The following HS6ST3 variants were observed in gnomAD, a reference collection of about 807,000 sequenced individuals.
The protein encoded by HS6ST3 is heparan sulfate 6-O-sulfotransferase 3, also known as heparan-sulfate 6-O-sulfotransferase 3.
Under a neutral mutation model 36.7 loss-of-function variants are expected in HS6ST3, and 12 were observed. That is an observed-to-expected ratio of 0.33 (90% CI 0.21 to 0.53). The LOEUF (loss-of-function observed/expected upper bound fraction) is 0.53. Among genes scored for constraint, HS6ST3 ranks in the 20% least tolerant of loss-of-function variants. The pLI is 0.95. For synonymous variants in HS6ST3, 240 were observed against 257.5 expected (o/e 0.93, Z 0.65); for missense variants, 584 against 640.9 (o/e 0.91, Z 0.96).
At chr13:96,586,856 A>T (rs2056363328) in intron 1 of HS6ST3, among the ~76,000 whole-genome samples, 1 of 152,132 alleles carries the variant, frequency 6.6e-6, no homozygotes, top group African/African-American at 2.4e-5. Flanking sequence ...TTTTGGGGTC[A>T]TATTTAAAAA....
intron 1 of HS6ST3, among the ~76,000 whole-genome samples, chr13:96,104,978 G>T (rs1000625918): frequency 2.0e-5 from 3 of 149,032 alleles, no homozygotes; most frequent in Non-Finnish European, 4.4e-5. Flanking sequence ...CAGTTATCAA[G>T]ATTGGAAAGG....
chr13:96,759,616 AT>A (rs1205611425), intron 1 of HS6ST3, among the ~76,000 whole-genome samples: 1 of 151,906 alleles, frequency 6.6e-6, no homozygotes, highest in Non-Finnish European at 1.5e-5. Context: ...AAATCTACAT[AT>A]GTTGTTAACC....
intron 1 of HS6ST3, among the ~76,000 whole-genome samples, chr13:96,752,180 T>C (rs1594851945): frequency 6.6e-6 from 1 of 152,324 alleles, no homozygotes; most frequent in East Asian, 1.9e-4. Flanking sequence ...ATTTCAGATA[T>C]GCTGGTATCA....
chr13:96,117,625 C>T (rs956761261), intron 1 of HS6ST3, among the ~76,000 whole-genome samples: 3 of 152,130 alleles, frequency 2.0e-5, no homozygotes, highest in Non-Finnish European at 4.4e-5. Flanking sequence ...CATGGAAATG[C>T]TGCAGAAATG....
intron 1 of HS6ST3, among the ~76,000 whole-genome samples, chr13:96,591,690 C>G (rs1376832915): frequency 6.6e-6 from 1 of 152,036 alleles, no homozygotes; most frequent in East Asian, 1.9e-4. Flanking sequence ...CCCTTTATAT[C>G]TTTCTCTTGT....
chr13:96,150,252 G>A (rs1358288979), intron 1 of HS6ST3, among the ~76,000 whole-genome samples: 2 of 152,144 alleles, frequency 1.3e-5, no homozygotes, highest in South Asian at 2.1e-4. Flanking sequence ...TTAGAATGGG[G>A]GAGTGTGTGC....
chr13:96,639,549 T>G (rs1449350960), intron 1 of HS6ST3, among the ~76,000 whole-genome samples: 10 of 152,020 alleles, frequency 6.6e-5, no homozygotes, highest in Non-Finnish European at 1.5e-5. Flanking sequence ...AAAAAAAATT[T>G]TTCAACTTTT....
At chr13:96,372,839 C>T (rs1437785305) in intron 1 of HS6ST3, among the ~76,000 whole-genome samples, 2 of 152,108 alleles carry the variant, frequency 1.3e-5, no homozygotes, top group Non-Finnish European at 2.9e-5. Flanking sequence ...TTTAAAATTT[C>T]ATTTATTGTG....
At chr13:96,107,542 CAT>C (rs1386670400) in intron 1 of HS6ST3, among the ~76,000 whole-genome samples, 2 of 152,128 alleles carry the variant, frequency 1.3e-5, no homozygotes, top group African/African-American at 2.4e-5. Flanking sequence ...AATGATATGA[CAT>C]GTGCTCCAGA....
At chr13:96,205,348 C>CA (rs1201361443) in intron 1 of HS6ST3, among the ~76,000 whole-genome samples, 2 of 151,806 alleles carry the variant, frequency 1.3e-5, no homozygotes, top group Non-Finnish European at 2.9e-5. Context: ...GCCTACCAAC[C>CA]AAAAAAAGCC....
chr13:96,396,940 C>T (rs1214199115), intron 1 of HS6ST3, among the ~76,000 whole-genome samples: 2 of 152,136 alleles, frequency 1.3e-5, no homozygotes, highest in South Asian at 2.1e-4. Context: ...TGGTGGCACA[C>T]GCCTGTAATC....
At chr13:96,190,507 TATTCATTCATTC>T (rs374761040) in intron 1 of HS6ST3, among the ~76,000 whole-genome samples, 40 of 152,170 alleles carry the variant, frequency 2.6e-4, no homozygotes, top group Non-Finnish European at 3.8e-4. Context: ...TGCAATCAGT[TATTCATTCATTC>T]ATTCATTCAT....
chr13:96,244,013 C>T (rs1221628779), intron 1 of HS6ST3, among the ~76,000 whole-genome samples: 2 of 151,604 alleles, frequency 1.3e-5, no homozygotes, highest in Admixed American at 6.6e-5. Flanking sequence ...AAAAAAGGCC[C>T]CCCCGAGAAT....
chr13:96,150,617 A>G (rs1489499275), intron 1 of HS6ST3, among the ~76,000 whole-genome samples: 1 of 152,224 alleles, frequency 6.6e-6, no homozygotes, highest in African/African-American at 2.4e-5. Flanking sequence ...ACCTATTTTT[A>G]AAATGATTCT....
intron 1 of HS6ST3, among the ~76,000 whole-genome samples, chr13:96,236,970 G>T (rs1390131619): frequency 6.6e-6 from 1 of 152,204 alleles, no homozygotes; most frequent in Non-Finnish European, 1.5e-5. Flanking sequence ...GGAGGCCTCA[G>T]GAAACTTACA....
intron 1 of HS6ST3, among the ~76,000 whole-genome samples, chr13:96,755,760 T>C (rs1017179992): frequency 1.3e-5 from 2 of 152,220 alleles, no homozygotes; most frequent in African/African-American, 4.8e-5. Flanking sequence ...TTTTGGGTTT[T>C]TACCATTTCT....
chr13:96,732,894 A>G (rs1229467693), intron 1 of HS6ST3, among the ~76,000 whole-genome samples: 1 of 152,136 alleles, frequency 6.6e-6, no homozygotes, highest in Non-Finnish European at 1.5e-5. Context: ...TATTTTTTGT[A>G]ACTATTGTAA....
intron 1 of HS6ST3, among the ~76,000 whole-genome samples, chr13:96,502,680 T>C (rs537033409): frequency 3.3e-5 from 5 of 152,238 alleles, no homozygotes; most frequent in African/African-American, 1.2e-4. Context: ...ATGCAACTGG[T>C]GGTCTTCTAA....
chr13:96,540,157 G>T (rs1177115548), intron 1 of HS6ST3, among the ~76,000 whole-genome samples: 4 of 152,080 alleles, frequency 2.6e-5, no homozygotes, highest in Admixed American at 2.0e-4. Flanking sequence ...TGGAGGTTGG[G>T]TCTTGCTGCA....
Sources: gnomAD v4.1 joint callset for allele counts (sites outside exome capture counted in the v4.1 genomes callset) on GRCh38, gnomAD v4.1.1 for gene constraint, MANE v1.5 for transcripts, NCBI Gene and HGNC (gene_info 2026-07-23, HGNC 2026-07-21) for gene names.